The following MORN1 variants were observed in gnomAD, a reference collection of about 807,000 sequenced individuals.
MORN1 encodes MORN repeat containing 1, also known as MORN repeat-containing protein 1.
Under a neutral mutation model 61.9 loss-of-function variants are expected in MORN1, and 67 were observed. That is an observed-to-expected ratio of 1.08 (90% CI 0.89 to 1.33). The LOEUF (loss-of-function observed/expected upper bound fraction) is 1.33, where lower values mean the gene tolerates loss of function less well. MORN1 is among the 40% of genes most tolerant of loss of function. MORN1 has a pLI of 0.00. For missense variants in MORN1, 752 were observed against 691.2 expected, an observed-to-expected ratio of 1.09 and a Z score of -0.99; for synonymous variants, 301 against 292.0, an observed-to-expected ratio of 1.03 and a Z score of -0.31.
chr1:2,332,860 C>G (rs1641188540), intron 12 of MORN1: 2 of 386,584 alleles, frequency 5.2e-6, no homozygotes, highest in Admixed American at 3.0e-5. Flanking sequence ...GGCCCCCAGG[C>G]TGCGCCTCGA....
intron 13 of MORN1, chr1:2,322,920 C>G: frequency 3.0e-6 from 3 of 985,424 alleles, no homozygotes; most frequent in South Asian, 4.7e-5. Context: ...GCCTCGACGG[C>G]CACGTGATCT....
At chr1:2,336,885 G>A in intron 10 of MORN1, 35 bp from the exon 11 acceptor site, 1 of 1,510,814 alleles carries the variant, frequency 6.6e-7, no homozygotes, top group Non-Finnish European at 8.9e-7. Context: ...CCCTATGAGG[G>A]GCTCAGGGCG....
rs1641234459 is a variant in MORN1, at chr1:2,334,973, T to C, written c.1250+1496A>G. Reference sequence around the variant, plus strand: ...GACAGAATGTCTCGGCTTTTGGCTCTCGCAGACGCTCCTGAGGCCGAGTCA... The same window carrying C: ...GACAGAATGTCTCGGCTTTTGGCTCCCGCAGACGCTCCTGAGGCCGAGTCA... On this transcript the variant is annotated intron_variant, in intron 12 of 13. Coordinates refer to ENST00000378531, the MANE Select transcript of MORN1 (RefSeq NM_024848.3). This position sits in a 1 kb window ranked among gnomAD's most constrained non-coding sequence, Gnocchi z 5.4. 6.6e-6 allele frequency among the ~76,000 whole-genome samples: 1 copy of C among 152,236 alleles called. No homozygotes were observed. The highest frequency in any genetic ancestry group is 6.5e-5 in the Admixed American group (1 of 15,294).
intron 12 of MORN1, among the ~76,000 whole-genome samples, chr1:2,327,971 C>T (rs1444760665): frequency 6.6e-6 from 1 of 152,262 alleles, no homozygotes; most frequent in African/African-American, 2.4e-5. Context: ...CCCGAGGAGC[C>T]CGTCACAGGC....
intron 10 of MORN1, chr1:2,352,119 G>A: frequency 2.4e-6 from 1 of 414,252 alleles, no homozygotes; most frequent in East Asian, 5.8e-5. Context: ...AAATTGTGTA[G>A]AGTGTTTGTG....
intron 10 of MORN1, 128 bp from the exon 11 acceptor site, chr1:2,336,978 C>G: frequency 9.0e-7 from 1 of 1,115,078 alleles, no homozygotes; most frequent in Non-Finnish European, 1.2e-6. Context: ...GCGATGCCAT[C>G]TTGGTGGGGG....
intron 6 of MORN1, chr1:2,378,894 C>T (rs1183802709): frequency 2.0e-5 from 9 of 454,642 alleles, no homozygotes; most frequent in East Asian, 6.9e-5. Flanking sequence ...CTTCCGGGAC[C>T]GGCCTGAGCC....
chr1:2,361,662 A>G (rs780280146), intron 8 of MORN1, among the ~76,000 whole-genome samples: 30 of 152,240 alleles, frequency 2.0e-4, no homozygotes, highest in Non-Finnish European at 3.5e-4. Context: ...TGTGATTCAC[A>G]ACAGGTTAAA....
chr1:2,367,053 A>T (rs1288242397), intron 8 of MORN1, among the ~76,000 whole-genome samples: 1 of 152,158 alleles, frequency 6.6e-6, no homozygotes, highest in African/African-American at 2.4e-5. Flanking sequence ...AACAAAATTG[A>T]CCTGATTTAT....
intron 10 of MORN1, chr1:2,355,131 C>T (rs781142273): frequency 4.2e-5 from 46 of 1,089,618 alleles, no homozygotes; most frequent in South Asian, 1.2e-4. Context: ...TGGTTTCAAT[C>T]GAGACTTTGG....
At position 2,334,493 on chromosome 1, in the gene MORN1, G is replaced by T. The variant is rs966893736; in HGVS notation, c.1250+1976C>A. ...CCCAGGGTTTCCGCACCCAGAAGAC[G>T]TAGTAAGGCCAGCTGCATGGAGAGG... On this transcript the variant is annotated intron_variant, in intron 12 of 13. Coordinates refer to ENST00000378531, the MANE Select transcript of MORN1 (RefSeq NM_024848.3). This position sits in a 1 kb window ranked among gnomAD's most constrained non-coding sequence, Gnocchi z 5.4. Among the ~76,000 whole-genome samples, 1 of 152,220 alleles carries T rather than the reference G, an allele frequency of 6.6e-6. No individual in the cohort carries two copies. The highest frequency in any genetic ancestry group is 2.4e-5 in the African/African-American group (1 of 41,450).
intron 8 of MORN1, among the ~76,000 whole-genome samples, chr1:2,363,805 C>CAAACAAAAA (rs140866260): frequency 0.012 from 1,484 of 124,462 alleles, 12 homozygotes; most frequent in South Asian, 0.024. Flanking sequence ...AACAAACAAA[C>CAAACAAAAA]AAAAAAATAT....
chr1:2,385,702 G>T, intron 5 of MORN1, 105 bp downstream of exon 5: 1 of 1,038,010 alleles, frequency 9.6e-7, no homozygotes. Flanking sequence ...GAACAGGCCC[G>T]GGGTGTCCCA....
intron 6 of MORN1, among the ~76,000 whole-genome samples, chr1:2,384,772 CAT>C (rs1469553671): frequency 3.3e-5 from 5 of 152,248 alleles, no homozygotes; most frequent in African/African-American, 7.2e-5. Flanking sequence ...ACAAGGCACA[CAT>C]ATGAATACAC....
At chr1:2,387,805 G>A (rs770017347) in intron 3 of MORN1, 4 of 477,882 alleles carry the variant, frequency 8.4e-6, no homozygotes, top group Non-Finnish European at 1.5e-5. Context: ...CAGGGTGAAG[G>A]GTGAGGTTTT....
At position 2,357,506 on chromosome 1, in the gene MORN1, G is replaced by C; in HGVS notation, c.962C>G (p.Pro321Arg). Residue 321 changes from proline to arginine, a missense_variant, in exon 10 of 14, where the codon CCC becomes CGC. By Grantham distance (103) the Pro-to-Arg change is moderately radical. Transcript: ENST00000378531. This position sits in a 1 kb window ranked among gnomAD's most constrained non-coding sequence, Gnocchi z 6.3. ...CAGCTCCAGGTCTCCCCTGGGCAGG[G>C]GCACGTCGGCTTCTGCCCCTCCCTT... ...AAKGGAEADVPLPRGDLELHL... is the reference protein window; with the variant it reads ...AAKGGAEADVRLPRGDLELHL... The C allele has an allele frequency of 1.2e-6, 2 of 1,612,784 alleles. No homozygotes were observed. The highest frequency in any genetic ancestry group is 1.7e-6 in the Non-Finnish European group (2 of 1,179,666).
intron 3 of MORN1, 50 bp downstream of exon 3, chr1:2,388,189 C>T (rs1203540808): frequency 6.9e-7 from 1 of 1,459,838 alleles, no homozygotes; most frequent in African/African-American, 1.4e-5. Context: ...CCAACTGAGC[C>T]CGATGGGTTA....
intron 8 of MORN1, among the ~76,000 whole-genome samples, chr1:2,360,816 C>A (rs866166846): frequency 2.8e-4 from 43 of 152,300 alleles, no homozygotes; most frequent in African/African-American, 1.0e-3. Flanking sequence ...CTGTTCTCCT[C>A]AGCCAGGCTG....
rs151302989 is a variant in MORN1, at chr1:2,388,282, G to A, written c.204C>T (p.Asp68=). ...GGCGGCCTTCTCCCGTGATCTCTCCGTCCACAAACGCCCCTTCGTAATAAC... is the reference window on the plus strand; with the variant it reads ...GGCGGCCTTCTCCCGTGATCTCTCCATCCACAAACGCCCCTTCGTAATAAC... The part of the protein sequence containing the change: ...DGSYYEGAFV[D]GEITGEGRRH... The change falls in exon 3 of 14, where the codon GAC becomes GAT. Residue 68 remains aspartate, a synonymous_variant. Coordinates refer to ENST00000378531, the MANE Select transcript of MORN1 (RefSeq NM_024848.3). 1.9e-5 allele frequency: 31 copies of A among 1,613,792 alleles called. No homozygotes were observed. Among genetic ancestry groups the A allele is most frequent in the East Asian group, 2.2e-5 (1 of 44,890 alleles).
Sources: allele counts gnomAD v4.1 joint callset (sites outside exome capture counted in the v4.1 genomes callset), GRCh38; gene constraint gnomAD v4.1.1; non-coding constraint Gnocchi (gnomAD v3.1); transcripts MANE v1.5; gene names NCBI Gene and HGNC (gene_info 2026-07-23, HGNC 2026-07-21).